The following ASIC2 variants were observed in gnomAD, a reference collection of about 807,000 sequenced individuals.
ASIC2 encodes acid sensing ion channel subunit 2.
In ASIC2, 25 loss-of-function variants were observed where a neutral mutation model predicts 57.3. That is an observed-to-expected ratio of 0.44 (90% CI 0.32 to 0.61). The LOEUF (loss-of-function observed/expected upper bound fraction) is 0.61, where lower values mean the gene tolerates loss of function less well. Ranked by LOEUF, ASIC2 falls within the 20% of genes least tolerant of loss-of-function variation. The pLI, the probability that ASIC2 is intolerant of heterozygous loss-of-function variation, is 0.06. For synonymous variants in ASIC2, 319 were observed against 307.5 expected, an observed-to-expected ratio of 1.04 and a Z score of -0.39; for missense variants, 641 against 738.1, an observed-to-expected ratio of 0.87 and a Z score of 1.52.
chr17:33,133,420 G>C (rs892956060), intron 1 of ASIC2, among the ~76,000 whole-genome samples: 1 of 152,192 alleles, frequency 6.6e-6, no homozygotes, highest in Non-Finnish European at 1.5e-5. Flanking sequence ...GCCAGATTAT[G>C]GGGAACTGAA....
At chr17:34,064,974 T>A (rs544418334) in intron 1 of ASIC2, among the ~76,000 whole-genome samples, 1 of 152,316 alleles carries the variant, frequency 6.6e-6, no homozygotes, top group East Asian at 1.9e-4. Context: ...AATGTGGAGA[T>A]TCTTTAAAGA....
chr17:33,292,416 C>T lies in ASIC2; in HGVS notation c.-301G>A. On this transcript the variant is annotated 5_prime_UTR_variant, in exon 1 of 10. Transcript: ENST00000225823. ...GTCTTCCTGGAGGATGCCCGGCGCC[C>T]GGCACTACTTCTGGAGGGGTCCCAC... The T allele has an allele frequency of 1.0e-6, 1 of 985,678 alleles. No individual in the cohort carries two copies. The highest frequency in any genetic ancestry group is 1.7e-5 in the African/African-American group (1 of 57,342). 61.1% of individuals were successfully genotyped at this position (985,678 alleles called of 1,614,324 possible). A position where few individuals can be genotyped will look rare whatever the true frequency, so the allele number is the denominator to read the frequency against.
chr17:33,414,525 T>C (rs935741526), intron 1 of ASIC2, among the ~76,000 whole-genome samples: 1 of 152,160 alleles, frequency 6.6e-6, no homozygotes, highest in Non-Finnish European at 1.5e-5. Context: ...AGCCACCGAC[T>C]GGGCTTTACC....
At chr17:33,782,047 A>G (rs2142129338) in intron 1 of ASIC2, among the ~76,000 whole-genome samples, 1 of 152,190 alleles carries the variant, frequency 6.6e-6, no homozygotes, top group Middle Eastern at 3.4e-3. Flanking sequence ...ACTGGCTTTT[A>G]TATATTCCAG....
intron 1 of ASIC2, among the ~76,000 whole-genome samples, chr17:33,311,884 C>T (rs1324816853): frequency 6.6e-6 from 1 of 152,156 alleles, no homozygotes; most frequent in Non-Finnish European, 1.5e-5. Flanking sequence ...TTGAGTTTCT[C>T]AGCAAATGGC....
intron 1 of ASIC2, among the ~76,000 whole-genome samples, chr17:33,673,963 G>A (rs961950097): frequency 2.7e-5 from 4 of 150,494 alleles, no homozygotes; most frequent in Non-Finnish European, 5.9e-5. Context: ...GTGCCATCTC[G>A]GCTCAGTGCA....
chr17:33,480,243 A>G (rs1913359163), intron 1 of ASIC2, among the ~76,000 whole-genome samples: 1 of 152,110 alleles, frequency 6.6e-6, no homozygotes, highest in African/African-American at 2.4e-5. Context: ...TTCCTTTCTC[A>G]TGGGGGAGAC....
At chr17:33,939,608 G>A (rs1250949459) in intron 1 of ASIC2, among the ~76,000 whole-genome samples, 1 of 152,180 alleles carries the variant, frequency 6.6e-6, no homozygotes. Context: ...AGACAAACTG[G>A]CTGTACTGGA....
At chr17:33,350,060 C>G (rs117504843) in intron 1 of ASIC2, among the ~76,000 whole-genome samples, 1 of 152,166 alleles carries the variant, frequency 6.6e-6, no homozygotes. Flanking sequence ...AAGACTGGGC[C>G]GACAATTTGC....
At chr17:33,590,037 C>T (rs142365762) in intron 1 of ASIC2, among the ~76,000 whole-genome samples, 1 of 152,286 alleles carries the variant, frequency 6.6e-6, no homozygotes, top group African/African-American at 2.4e-5. Flanking sequence ...TTGTCCCTCC[C>T]TCAAAGAGCA....
At chr17:33,495,080 G>T (rs1913884358) in intron 1 of ASIC2, among the ~76,000 whole-genome samples, 1 of 152,198 alleles carries the variant, frequency 6.6e-6, no homozygotes. Context: ...CATAAAGCTG[G>T]AATGAGAGGG....
chr17:33,449,764 C>CT (rs553745458), intron 1 of ASIC2, among the ~76,000 whole-genome samples: 222 of 149,466 alleles, frequency 1.5e-3, no homozygotes, highest in South Asian at 2.6e-3. Flanking sequence ...GAATAATTTT[C>CT]TTTTTTCTTT....
At position 33,500,097 on chromosome 17, in the gene ASIC2, A is replaced by G. The variant is rs148268515; in HGVS notation, c.556-388030T>C. 8.9e-4 allele frequency among the ~76,000 whole-genome samples: 136 copies of G among 152,342 alleles called. 1 individual carries two copies. The highest frequency in any genetic ancestry group is 3.1e-3 in the African/African-American group (128 of 41,576). On this transcript the variant is annotated intron_variant, in intron 1 of 9. Transcript: ENST00000359872. ...TTTCCTAGAGGGAGGCTGAGACTAC[A>G]TACAGAAAAAAAATAAAATAGGAAG... is the stretch of plus-strand genomic sequence containing the variant.
At chr17:33,138,361 C>A (rs2092374000) in intron 1 of ASIC2, among the ~76,000 whole-genome samples, 1 of 152,092 alleles carries the variant, frequency 6.6e-6, no homozygotes, top group Non-Finnish European at 1.5e-5. Context: ...ATTATTTAAC[C>A]TTTAAATTAT....
chr17:33,782,341 G>A (rs940770251), intron 1 of ASIC2, among the ~76,000 whole-genome samples: 6 of 147,676 alleles, frequency 4.1e-5, no homozygotes, highest in African/African-American at 1.2e-4. Context: ...TAAAGTATAA[G>A]GTTTAGATTG....
At chr17:33,961,990 G>T (rs373136391) in intron 1 of ASIC2, among the ~76,000 whole-genome samples, 13 of 152,112 alleles carry the variant, frequency 8.5e-5, no homozygotes, top group African/African-American at 3.1e-4. Flanking sequence ...GGAATTCCTC[G>T]GTTCCAGATG....
intron 1 of ASIC2, chr17:34,038,648 T>A: frequency 1.9e-6 from 3 of 1,590,350 alleles, no homozygotes; most frequent in Non-Finnish European, 2.6e-6. Flanking sequence ...TCTAACCCTT[T>A]CTAGCCTCTC....
intron 1 of ASIC2, among the ~76,000 whole-genome samples, chr17:34,065,405 G>C (rs1261258251): frequency 3.3e-5 from 5 of 152,140 alleles, no homozygotes; most frequent in African/African-American, 1.2e-4. Flanking sequence ...ATATGGTGCA[G>C]TGTATACTGC....
chr17:33,700,309 C>T (rs963235987), intron 1 of ASIC2, among the ~76,000 whole-genome samples: 1 of 152,142 alleles, frequency 6.6e-6, no homozygotes, highest in Admixed American at 6.6e-5. Context: ...TAGTTTGTAA[C>T]CATGACCTTG....
Sources: allele counts gnomAD v4.1 joint callset (sites outside exome capture counted in the v4.1 genomes callset), GRCh38; gene constraint gnomAD v4.1.1; transcripts MANE v1.5; gene names NCBI Gene and HGNC (gene_info 2026-07-23, HGNC 2026-07-21).